Variants in HMGA2 observed in about 807,000 individuals in gnomAD.
The protein encoded by HMGA2 is high mobility group protein HMGI-C.
Under a neutral mutation model 19.1 loss-of-function variants are expected in HMGA2, and 8 were observed. That is an observed-to-expected ratio of 0.42 (90% CI 0.25 to 0.76). HMGA2 has a LOEUF of 0.76. HMGA2 is among the 30% of genes least tolerant of loss of function. The pLI, the probability that HMGA2 is intolerant of heterozygous loss-of-function variation, is 0.28. For synonymous variants in HMGA2, 60 were observed against 48.8 expected, an observed-to-expected ratio of 1.23 and a Z score of -0.96; for missense variants, 109 against 136.3, an observed-to-expected ratio of 0.80 and a Z score of 1.00.
At chr12:65,843,826 A>T (rs1465247060) in intron 3 of HMGA2, among the ~76,000 whole-genome samples, 1 of 152,178 alleles carries the variant, frequency 6.6e-6, no homozygotes, top group Non-Finnish European at 1.5e-5. Context: ...AGGCGGGCAG[A>T]TCACTTGAGG....
At chr12:65,862,305 A>ACG (rs1872143374) in intron 3 of HMGA2, among the ~76,000 whole-genome samples, 1 of 151,650 alleles carries the variant, frequency 6.6e-6, no homozygotes, top group South Asian at 2.1e-4. Context: ...ACACACACAC[A>ACG]CATTCCATAA....
chr12:65,919,648 T>C (rs1335326178), intron 3 of HMGA2, among the ~76,000 whole-genome samples: 1 of 152,252 alleles, frequency 6.6e-6, no homozygotes, highest in East Asian at 1.9e-4. Context: ...TGAGAAGATA[T>C]AGCATGTTCT....
chr12:65,868,962 C>T (rs996283229), intron 3 of HMGA2, among the ~76,000 whole-genome samples: 1 of 152,128 alleles, frequency 6.6e-6, no homozygotes, highest in Non-Finnish European at 1.5e-5. Flanking sequence ...CAATGCATTG[C>T]GTAGAACTGA....
At chr12:65,941,958 A>T (rs10506473) in intron 3 of HMGA2, among the ~76,000 whole-genome samples, 10,820 of 152,280 alleles carry the variant, frequency 0.071, 451 homozygotes, top group Non-Finnish European at 0.092. Context: ...TATCTAGTTC[A>T]AGTCCTGATC....
intron 3 of HMGA2, among the ~76,000 whole-genome samples, chr12:65,864,271 G>GGTAA (rs1383205896): frequency 6.6e-6 from 1 of 152,092 alleles, no homozygotes; most frequent in African/African-American, 2.4e-5. Context: ...CAGAGAGGTG[G>GGTAA]GTAAGTGCTT....
intron 2 of HMGA2, among the ~76,000 whole-genome samples, chr12:65,831,999 A>G (rs889595426): frequency 6.6e-6 from 1 of 151,902 alleles, no homozygotes; most frequent in Non-Finnish European, 1.5e-5. Context: ...CTGTGTTTCA[A>G]TGGGCAGGTA....
At chr12:65,828,149 G>GT in intron 2 of HMGA2, 62 bp downstream of exon 2, 1 of 1,226,264 alleles carries the variant, frequency 8.2e-7, no homozygotes, top group Middle Eastern at 1.9e-4. Context: ...GAGCCTGCCT[G>GT]TAACTTTCCC....
intron 3 of HMGA2, among the ~76,000 whole-genome samples, chr12:65,841,150 A>G (rs1025218235): frequency 6.6e-6 from 1 of 152,132 alleles, no homozygotes; most frequent in Non-Finnish European, 1.5e-5. Flanking sequence ...ATTAAAGGAT[A>G]TATATGTTTT....
intron 3 of HMGA2, among the ~76,000 whole-genome samples, chr12:65,850,663 C>T (rs1335972573): frequency 2.0e-5 from 3 of 152,032 alleles, no homozygotes; most frequent in Admixed American, 1.3e-4. Flanking sequence ...ATAAGGCAAA[C>T]ACAAAATTTC....
chr12:65,965,647 A>G lies in HMGA2; in HGVS notation c.*2355A>G, dbSNP rs999567653. ...AAATAAACAGTGGCTCATAAAAATA[A>G]AAGTCGCATTCCATATCTTTGGATG... On this transcript the variant is annotated 3_prime_UTR_variant, in exon 5 of 5. Coordinates refer to ENST00000403681, the MANE Select transcript of HMGA2 (RefSeq NM_003483.6). 3 of 221,262 alleles carry G rather than the reference A, an allele frequency of 1.4e-5. No individual in the cohort carries two copies. The highest frequency in any genetic ancestry group is 6.7e-5 in the African/African-American group (3 of 44,654). The allele number at this position is 221,262 out of a possible 1,614,324, so 13.7% of individuals were successfully genotyped here. A position where few individuals can be genotyped will look rare whatever the true frequency, so the allele number is the denominator to read the frequency against.
chr12:65,858,778 T>C (rs1260688386), intron 3 of HMGA2: 1 of 152,236 alleles, frequency 6.6e-6, no homozygotes, highest in Admixed American at 6.5e-5. Flanking sequence ...TAAATCTCGC[T>C]CACTGTGCTT....
At position 65,836,376 on chromosome 12, in the gene HMGA2, A is replaced by G. The variant is rs186702246; in HGVS notation, c.199-2143A>G. Among the ~76,000 whole-genome samples, 1,125 of 152,148 alleles carry G rather than the reference A, an allele frequency of 7.4e-3. 9 individuals are homozygous for G. The highest frequency in any genetic ancestry group is 0.021 in the Admixed American group (314 of 15,292). ...TCCGTCTCAAAAAGAAAAAAAAAAAAAAAGAAAAACTCCCTTTAAGGGTTC... is the reference window on the plus strand; with the variant it reads ...TCCGTCTCAAAAAGAAAAAAAAAAAGAAAGAAAAACTCCCTTTAAGGGTTC... On this transcript the variant is annotated intron_variant, in intron 2 of 4. Transcript: ENST00000403681.
At chr12:65,891,865 A>G (rs2121140692) in intron 3 of HMGA2, among the ~76,000 whole-genome samples, 1 of 152,382 alleles carries the variant, frequency 6.6e-6, no homozygotes, top group South Asian at 2.1e-4. Flanking sequence ...TAAAGAGCCC[A>G]GTCCCGTGCC....
At chr12:65,937,848 C>T (rs1022071509) in intron 3 of HMGA2, among the ~76,000 whole-genome samples, 1 of 152,204 alleles carries the variant, frequency 6.6e-6, no homozygotes, top group Non-Finnish European at 1.5e-5. Context: ...ATTTCAGGGT[C>T]AAGAGGGCGC....
At chr12:65,943,221 C>T (rs960724310) in intron 3 of HMGA2, among the ~76,000 whole-genome samples, 2 of 152,110 alleles carry the variant, frequency 1.3e-5, no homozygotes, top group African/African-American at 4.8e-5. Context: ...AATTAGTATT[C>T]GATGAGCCAA....
At chr12:65,959,777 C>A (rs1338319554) in intron 4 of HMGA2, among the ~76,000 whole-genome samples, 1 of 152,212 alleles carries the variant, frequency 6.6e-6, no homozygotes, top group Non-Finnish European at 1.5e-5. Context: ...CTCTTGGGAG[C>A]TACACAAGCT....
chr12:65,913,086 T>C (rs551072992), intron 3 of HMGA2, among the ~76,000 whole-genome samples: 2 of 152,318 alleles, frequency 1.3e-5, no homozygotes, highest in South Asian at 4.2e-4. Flanking sequence ...ACACTAGACG[T>C]TATTAAAACA....
At chr12:65,905,292 T>G (rs1308262572) in intron 3 of HMGA2, among the ~76,000 whole-genome samples, 5 of 152,078 alleles carry the variant, frequency 3.3e-5, no homozygotes, top group African/African-American at 1.2e-4. Flanking sequence ...CAAATGAAAT[T>G]GCCGTTTTTG....
chr12:65,906,189 C>T (rs1036108688), intron 3 of HMGA2, among the ~76,000 whole-genome samples: 1 of 152,222 alleles, frequency 6.6e-6, no homozygotes, highest in South Asian at 2.1e-4. Context: ...TTTTATAGTG[C>T]GTGAACTTTT....
Sources: allele counts gnomAD v4.1 joint callset (sites outside exome capture counted in the v4.1 genomes callset), GRCh38; gene constraint gnomAD v4.1.1; transcripts MANE v1.5; gene names NCBI Gene and HGNC (gene_info 2026-07-23, HGNC 2026-07-21).